Variants in AFG2A observed in about 807,000 individuals in gnomAD.
The protein encoded by AFG2A is ATPase family gene 2 protein homolog A.
At chr4:123,026,498 T>G in the AFG2A span, among the ~76,000 whole-genome samples, 1 of 152,178 alleles carries the variant, frequency 6.6e-6, no homozygotes, top group Non-Finnish European at 1.5e-5. Context: ...TTTACCAATT[T>G]GTGTTGGACT....
chr4:123,013,628 G>C, the AFG2A span, among the ~76,000 whole-genome samples: 1 of 152,088 alleles, frequency 6.6e-6, no homozygotes, highest in African/African-American at 2.4e-5. Flanking sequence ...AGAGCATTAG[G>C]ACAAATACCT....
the AFG2A span, among the ~76,000 whole-genome samples, chr4:123,167,577 G>C: frequency 6.6e-6 from 1 of 152,072 alleles, no homozygotes; most frequent in Non-Finnish European, 1.5e-5. Flanking sequence ...TCGCTCTCCT[G>C]ACCTCGTGAT....
the AFG2A span, among the ~76,000 whole-genome samples, chr4:123,131,983 T>G: frequency 6.6e-6 from 1 of 152,234 alleles, no homozygotes; most frequent in East Asian, 1.9e-4. Context: ...TTCTTTTTTC[T>G]TTTTTGATAG....
At chr4:123,190,333 A>G in the AFG2A span, among the ~76,000 whole-genome samples, 1 of 152,336 alleles carries the variant, frequency 6.6e-6, no homozygotes, top group East Asian at 1.9e-4. Context: ...AGTTCCGGAA[A>G]CATATGTGTC....
At chr4:123,298,779 A>C in the AFG2A span, among the ~76,000 whole-genome samples, 1 of 152,180 alleles carries the variant, frequency 6.6e-6, no homozygotes, top group Admixed American at 6.5e-5. Flanking sequence ...AATAATTCTG[A>C]AGTTAACCCA....
At chr4:123,315,536 T>C in the AFG2A span, 2 of 152,084 alleles carry the variant, frequency 1.3e-5, no homozygotes, top group African/African-American at 4.8e-5. Flanking sequence ...ATTCTAAATA[T>C]GTATATTTAT....
At chr4:123,154,591 G>A in the AFG2A span, among the ~76,000 whole-genome samples, 1 of 152,106 alleles carries the variant, frequency 6.6e-6, no homozygotes, top group Non-Finnish European at 1.5e-5. Context: ...AGAAACAGTT[G>A]AATTTTTGAA....
At chr4:123,257,523 C>T in the AFG2A span, among the ~76,000 whole-genome samples, 2 of 152,126 alleles carry the variant, frequency 1.3e-5, no homozygotes, top group Admixed American at 1.3e-4. Flanking sequence ...TTATATTTTT[C>T]AAGTCCACTG....
At chr4:123,080,188 G>A in the AFG2A span, among the ~76,000 whole-genome samples, 2 of 152,188 alleles carry the variant, frequency 1.3e-5, no homozygotes, top group Non-Finnish European at 2.9e-5. Flanking sequence ...GAGATAATTA[G>A]GTTTAGATGA....
At chr4:123,085,851 A>T in the AFG2A span, among the ~76,000 whole-genome samples, 1 of 151,326 alleles carries the variant, frequency 6.6e-6, no homozygotes, top group Non-Finnish European at 1.5e-5. Context: ...TAGACTGTTA[A>T]GTTTTTTGGG....
At chr4:123,214,315 T>TA in the AFG2A span, among the ~76,000 whole-genome samples, 1 of 152,106 alleles carries the variant, frequency 6.6e-6, no homozygotes, top group Non-Finnish European at 1.5e-5. Flanking sequence ...TGTGGGACAA[T>TA]AGTAACACAA....
the AFG2A span, among the ~76,000 whole-genome samples, chr4:123,155,932 T>G: frequency 3.9e-5 from 6 of 152,320 alleles, no homozygotes; most frequent in African/African-American, 1.4e-4. Context: ...CTTGCACTGC[T>G]CTAAAGAAAT....
the AFG2A span, among the ~76,000 whole-genome samples, chr4:123,212,918 G>A: frequency 3.1e-4 from 47 of 152,228 alleles, no homozygotes; most frequent in Middle Eastern, 3.4e-3. Context: ...GATTAAATGA[G>A]ACAATGCATA....
At chr4:123,237,672 CAAAAAAA>C in the AFG2A span, among the ~76,000 whole-genome samples, 2 of 66,652 alleles carry the variant, frequency 3.0e-5, no homozygotes, top group African/African-American at 1.2e-4. Flanking sequence ...AACCTTGTCT[CAAAAAAA>C]AAAAAAAAAA....
the AFG2A span, chr4:123,028,122 A>AT: frequency 6.4e-4 from 852 of 1,322,010 alleles, 2 homozygotes; most frequent in Non-Finnish European, 7.8e-4. Context: ...TATGTTTTTT[A>AT]TTTTTTTTTA....
chr4:123,263,335 C>G, the AFG2A span, among the ~76,000 whole-genome samples: 7 of 152,144 alleles, frequency 4.6e-5, no homozygotes, highest in African/African-American at 1.7e-4. Context: ...ATTTGCCCCC[C>G]TTGGCTGGGC....
chr4:123,249,165 A>G, the AFG2A span, among the ~76,000 whole-genome samples: 11 of 152,312 alleles, frequency 7.2e-5, no homozygotes, highest in East Asian at 5.8e-4. Context: ...AGAAGTTTCA[A>G]TAAAAGAGAA....
the AFG2A span, among the ~76,000 whole-genome samples, chr4:123,001,906 T>G: frequency 6.6e-6 from 1 of 152,306 alleles, no homozygotes; most frequent in African/African-American, 2.4e-5. Flanking sequence ...CAGTGGGGTG[T>G]TAAAGTCTCC....
chr4:123,311,625 CAAAAAAA>C, the AFG2A span, among the ~76,000 whole-genome samples: 73 of 92,214 alleles, frequency 7.9e-4, 2 homozygotes, highest in South Asian at 0.012. Flanking sequence ...GACTCTGTCT[CAAAAAAA>C]AAAAAAAAAA....
Sources: gnomAD v4.1 joint callset for allele counts (sites outside exome capture counted in the v4.1 genomes callset) on GRCh38, gnomAD v4.1.1 for gene constraint, MANE v1.5 for transcripts, NCBI Gene and HGNC (gene_info 2026-07-23, HGNC 2026-07-21) for gene names.